Variants in SLAMF7 observed in about 807,000 individuals in gnomAD.
SLAMF7 encodes the protein SLAM family member 7, also known as 19A24 protein.
SLAMF7 carries 26 observed loss-of-function variants against 34.1 expected under a neutral mutation model. The ratio of observed to expected loss-of-function variants is 0.76; its 90% CI spans 0.56 to 1.06. SLAMF7 has a LOEUF of 1.06. Ranked by LOEUF, SLAMF7 falls within the 50% of genes least tolerant of loss-of-function variation. SLAMF7 has a pLI of 0.00. For missense variants in SLAMF7, 399 were observed against 402.5 expected, an observed-to-expected ratio of 0.99 and a Z score of 0.07; for synonymous variants, 171 against 156.4, an observed-to-expected ratio of 1.09 and a Z score of -0.70.
chr1:160,750,010 G>A lies in SLAMF7; in HGVS notation c.566G>A (p.Ser189Asn). 6.2e-7 allele frequency: 1 copy of A among 1,614,136 alleles called. No homozygotes were observed. The highest frequency in any genetic ancestry group is 1.1e-5 in the South Asian group (1 of 91,082). ...ILPISWRWGESDMTFICVARN... is the reference protein window; with the variant it reads ...ILPISWRWGENDMTFICVARN... ...CCCATCTCCTGGAGATGGGGAGAAA[G>A]TGATATGACCTTCATCTGCGTTGCC... Residue 189 changes from serine to asparagine, a missense_variant, in exon 3 of 7, where the codon AGT (serine) becomes AAT (asparagine). By Grantham distance (46) the Ser-to-Asn change is conservative. Transcript: ENST00000368043.
At chr1:160,747,166 G>A (rs1664196169) in intron 1 of SLAMF7, among the ~76,000 whole-genome samples, 1 of 152,086 alleles carries the variant, frequency 6.6e-6, no homozygotes, top group South Asian at 2.1e-4. Flanking sequence ...TTTAGTCTTA[G>A]TTTTTGTATT....
Position 160,754,130 on chromosome 1 carries a change from TG to T in SLAMF7, c.*955del, listed in dbSNP as rs1558063245. 2 of 152,334 alleles carry T rather than the reference TG, an allele frequency of 1.3e-5. No homozygotes were observed. The highest frequency in any genetic ancestry group is 2.9e-5 in the Non-Finnish European group (2 of 68,064). 9.4% of individuals were successfully genotyped at this position (152,334 alleles called of 1,614,324 possible). The stretch of plus-strand genomic sequence containing the variant: ...GTGGGTACTTGTAAACCTTTAAAGA[TG>T]GTTAATTCATTCAATAGATATTTAT... On this transcript the variant is annotated 3_prime_UTR_variant, in exon 7 of 7. Transcript: ENST00000368043.
intron 1 of SLAMF7, 53 bp downstream of exon 1, chr1:160,739,409 T>A (rs1402072258): frequency 6.6e-7 from 1 of 1,516,402 alleles, no homozygotes; most frequent in East Asian, 2.3e-5. Flanking sequence ...TCCTGAATAG[T>A]TCCAGGTTTC....
At chr1:160,750,595 A>G in intron 4 of SLAMF7, 172 bp downstream of exon 4, 2 of 713,734 alleles carry the variant, frequency 2.8e-6, no homozygotes, top group Non-Finnish European at 4.5e-6. Context: ...TGTGCTCCTT[A>G]GTTCTGGAGT....
intron 1 of SLAMF7, among the ~76,000 whole-genome samples, chr1:160,744,124 T>C (rs1663956162): frequency 6.6e-6 from 1 of 152,210 alleles, no homozygotes; most frequent in Non-Finnish European, 1.5e-5. Context: ...AAATTCTTGT[T>C]AAAAGAAGGA....
chr1:160,739,189 CAT>C (rs1341386168), upstream of SLAMF7: 10 of 918,452 alleles, frequency 1.1e-5, no homozygotes, highest in East Asian at 2.4e-4. Flanking sequence ...CTCAATCTCA[CAT>C]GTCTGCGGCG....
Position 160,751,613 on chromosome 1 carries a change from T to C in SLAMF7, c.873+165T>C. The C allele has an allele frequency of 5.1e-6, 3 of 590,764 alleles. No individual in the cohort carries two copies. In the South Asian group the frequency reaches 5.9e-5, roughly 12 times the overall value. 36.6% of individuals were successfully genotyped at this position (590,764 alleles called of 1,614,324 possible). The stretch of plus-strand genomic sequence containing the variant: ...TCCTCCAAGTCTTCATGGATTCTCT[T>C]CTGTGCAGAAGAAGCTGGTGGTCTC... On this transcript the variant is annotated intron_variant, in intron 5 of 6. Transcript: ENST00000368043.
chr1:160,744,791 A>G (rs1361735692), intron 1 of SLAMF7, among the ~76,000 whole-genome samples: 3 of 152,202 alleles, frequency 2.0e-5, no homozygotes, highest in African/African-American at 7.2e-5. Context: ...TTGACTTCAT[A>G]AGATTCACCC....
intron 1 of SLAMF7, among the ~76,000 whole-genome samples, chr1:160,740,306 A>C (rs977033308): frequency 1.3e-5 from 2 of 151,668 alleles, no homozygotes; most frequent in African/African-American, 2.4e-5. Flanking sequence ...CAAAAAAAAA[A>C]CTCCCTGAAC....
In SLAMF7 at chr1:160,753,895, A is replaced by T. The variant is rs1664824449; in HGVS notation, c.*718A>T. 6.6e-6 allele frequency: 1 copy of T among 152,466 alleles called. No individual in the cohort carries two copies. The highest frequency in any genetic ancestry group is 1.5e-5 in the Non-Finnish European group (1 of 68,122). The allele number at this position is 152,466 out of a possible 1,614,324, so 9.4% of individuals were successfully genotyped here. Reference sequence around the variant, plus strand: ...GGGTAGCTGACCATGTTTGGCAGATACTATAATGGAGACACAGAAGTGTGC... The same window carrying T: ...GGGTAGCTGACCATGTTTGGCAGATTCTATAATGGAGACACAGAAGTGTGC... On this transcript the variant is annotated 3_prime_UTR_variant, in exon 7 of 7. Transcript: ENST00000368043.
chr1:160,744,102 T>A (rs1663954385), intron 1 of SLAMF7, among the ~76,000 whole-genome samples: 1 of 152,162 alleles, frequency 6.6e-6, no homozygotes, highest in Non-Finnish European at 1.5e-5. Flanking sequence ...TCCTAAACAA[T>A]GAGAACTAAA....
rs1361739988 is a variant in SLAMF7 at position 160,749,927 on chromosome 1, T to C, written c.483T>C (p.Ile161=). 1 of 1,614,110 alleles carries C rather than the reference T, an allele frequency of 6.2e-7. No homozygotes were observed. Among genetic ancestry groups the C allele is most frequent in the Non-Finnish European group, 8.5e-7 (1 of 1,179,962 alleles). ...CCMEHGEEDV[I]YTWKALGQAA... is the part of the protein sequence containing the mutation. ...TGGAACATGGGGAAGAGGATGTGAT[T>C]TATACCTGGAAGGCCCTGGGGCAAG... Residue 161 remains isoleucine, a synonymous_variant, in exon 3 of 7, where the codon ATT becomes ATC. Coordinates refer to ENST00000368043, the MANE Select transcript of SLAMF7 (RefSeq NM_021181.5).
At chr1:160,747,192 T>A (rs982636976) in intron 1 of SLAMF7, among the ~76,000 whole-genome samples, 2 of 152,192 alleles carry the variant, frequency 1.3e-5, no homozygotes, top group African/African-American at 2.4e-5. Flanking sequence ...CAGCCTTGAA[T>A]AAGTTCTTAT....
intron 2 of SLAMF7, among the ~76,000 whole-genome samples, chr1:160,749,535 A>G (rs1664389635): frequency 6.6e-6 from 1 of 152,246 alleles, no homozygotes; most frequent in Non-Finnish European, 1.5e-5. Context: ...GCGTTATCAC[A>G]GTGCTTGCCA....
At chr1:160,743,540 C>G (rs759297107) in intron 1 of SLAMF7, among the ~76,000 whole-genome samples, 3 of 152,198 alleles carry the variant, frequency 2.0e-5, no homozygotes, top group Non-Finnish European at 4.4e-5. Flanking sequence ...TAGCCCAAAC[C>G]ATTTGGCTTG....
Position 160,753,042 on chromosome 1 carries a change from C to T in SLAMF7, c.937-64C>T. On this transcript the variant is annotated intron_variant, in intron 6 of 6. Transcript: ENST00000368043. ...AATAAAGTTTCCTGGATGTCAGGGT[C>T]TCCATGGACGATCCAGAGCCCTGCT... 2.7e-6 allele frequency: 4 copies of T among 1,476,188 alleles called. No homozygotes were observed. The South Asian group carries it at 4.5e-5, about 17-fold the overall frequency. 91.4% of individuals were successfully genotyped at this position (1,476,188 alleles called of 1,614,324 possible).
In SLAMF7 at chr1:160,750,335, C is replaced by T. The variant is rs200156749; in HGVS notation, c.681C>T (p.Val227=). 107 of 1,614,096 alleles carry T rather than the reference C, an allele frequency of 6.6e-5. No individual in the cohort carries two copies. The highest frequency in any genetic ancestry group is 2.7e-4 in the Admixed American group (16 of 60,014). ...GAADDPDSSM[V]LLCLLLVPLL... ...CTGATGACCCAGATTCCTCCATGGT[C>T]CTCCTGTGTCTCCTGTTGGTGCCCC... The change falls in exon 4 of 7, where the codon GTC becomes GTT. Residue 227 remains valine, a synonymous_variant. Transcript: ENST00000368043.
intron 3 of SLAMF7, 55 bp from the exon 4 acceptor site, chr1:160,750,249 C>A: frequency 6.3e-7 from 1 of 1,598,890 alleles, no homozygotes; most frequent in South Asian, 1.1e-5. Flanking sequence ...AGACCTGGGT[C>A]GTTTTCCTGA....
chr1:160,741,746 C>T (rs941027755), intron 1 of SLAMF7, among the ~76,000 whole-genome samples: 2 of 152,204 alleles, frequency 1.3e-5, no homozygotes, highest in African/African-American at 4.8e-5. Flanking sequence ...ACTGCCACAG[C>T]CTCCAAAGGT....
Sources: allele counts gnomAD v4.1 joint callset (sites outside exome capture counted in the v4.1 genomes callset), GRCh38; gene constraint gnomAD v4.1.1; transcripts MANE v1.5; gene names NCBI Gene and HGNC (gene_info 2026-07-23, HGNC 2026-07-21).